Variants in SSC4D observed in about 807,000 individuals in gnomAD.
SSC4D encodes scavenger receptor cysteine rich family member with 4 domains.
Under a neutral mutation model 63.4 loss-of-function variants are expected in SSC4D, and 57 were observed. The observed-to-expected ratio is 0.90, with a 90% CI of 0.73 to 1.12. The LOEUF is 1.12. Among genes scored for constraint, SSC4D ranks in the 50% most tolerant of loss-of-function variants. The pLI is 0.00. For missense variants in SSC4D, 791 were observed against 806.4 expected, an observed-to-expected ratio of 0.98 and a Z score of 0.23; for synonymous variants, 352 against 345.4, an observed-to-expected ratio of 1.02 and a Z score of -0.21.
chr7:76,391,830 C>T, intron 10 of SSC4D, 134 bp downstream of exon 10: 1 of 919,816 alleles, frequency 1.1e-6, no homozygotes, highest in South Asian at 1.4e-5. Flanking sequence ...GGCCTGAGAC[C>T]AACAAAAAGG....
chr7:76,404,818 C>T (rs967518609), intron 1 of SSC4D, among the ~76,000 whole-genome samples: 8 of 151,864 alleles, frequency 5.3e-5, no homozygotes, highest in Non-Finnish European at 7.4e-5. Context: ...GCCTGTAATC[C>T]CAGCACTTTG....
At chr7:76,403,253 CGA>C (rs1212111251) in intron 2 of SSC4D, among the ~76,000 whole-genome samples, 2 of 152,052 alleles carry the variant, frequency 1.3e-5, no homozygotes, top group Non-Finnish European at 2.9e-5. Context: ...ACTTGTGGTC[CGA>C]GTATGACAGT....
intron 1 of SSC4D, among the ~76,000 whole-genome samples, chr7:76,407,447 C>T (rs1475302671): frequency 6.6e-6 from 1 of 151,942 alleles, no homozygotes; most frequent in Non-Finnish European, 1.5e-5. Context: ...TTCTCCTGCC[C>T]CAGCCTCCTG....
In SSC4D at chr7:76,398,874, G is replaced by A. The variant is rs538409260; in HGVS notation, c.476-77C>T. On this transcript the variant is annotated intron_variant, in intron 4 of 10. Transcript: ENST00000275560. Reference sequence around the variant, plus strand: ...ACCACGGGGTGTTTAAGGGGCAGGAGGATGGACCCATAAGGTGCTTGCCGC... The same window carrying A: ...ACCACGGGGTGTTTAAGGGGCAGGAAGATGGACCCATAAGGTGCTTGCCGC... The A allele has an allele frequency of 4.1e-4, 616 of 1,487,486 alleles. 7 individuals are homozygous for A. The South Asian group carries it at 5.7e-3, about 14-fold the overall frequency. The allele number at this position is 1,487,486 out of a possible 1,614,324, so 92.1% of individuals were successfully genotyped here. A position where few individuals can be genotyped will look rare whatever the true frequency, so the allele number is the denominator to read the frequency against.
Position 76,390,078 on chromosome 7 carries a change from A to G in SSC4D, c.1709T>C (p.Val570Ala), listed in dbSNP as rs1305382120. Residue 570 changes from valine (V) to alanine (A), a missense_variant, in exon 11 of 11, where the codon GTC becomes GCC. Physicochemically the swap from Val to Ala is moderately conservative, Grantham distance 64. Transcript: ENST00000275560. ...GCTGGGTCATGAAGGCTGGCACAGG[A>G]CACTGGCATCCTCGCTGTGGTCACA... ...HNCDHSEDASVLCQPS is the reference protein window; with the variant it reads ...HNCDHSEDASALCQPS 1.9e-6 allele frequency: 3 copies of G among 1,614,254 alleles called. No homozygotes were observed. The highest frequency in any genetic ancestry group is 2.2e-5 in the East Asian group (1 of 44,882).
intron 3 of SSC4D, 26 bp downstream of exon 3, chr7:76,400,982 G>A: frequency 6.4e-7 from 1 of 1,551,134 alleles, no homozygotes; most frequent in Non-Finnish European, 8.7e-7. Flanking sequence ...AGGTGAGGGT[G>A]AGGAAGGGCG....
intron 2 of SSC4D, 136 bp from the exon 3 acceptor site, chr7:76,401,179 A>G: frequency 8.0e-7 from 1 of 1,252,198 alleles, no homozygotes. Context: ...TGCTTTGCCA[A>G]AGCCCCATTG....
intron 1 of SSC4D, among the ~76,000 whole-genome samples, chr7:76,408,927 TGTATGACCTTCACCTTG>T (rs1371437673): frequency 6.6e-6 from 1 of 152,196 alleles, no homozygotes; most frequent in Non-Finnish European, 1.5e-5. Context: ...ATCTCCTAGC[TGTATGACCTTCACCTTG>T]CAAAGCCTCA....
chr7:76,392,118 G>A, intron 9 of SSC4D, 77 bp from the exon 10 acceptor site: 1 of 1,430,608 alleles, frequency 7.0e-7, no homozygotes, highest in Middle Eastern at 2.0e-4. Flanking sequence ...GTCCCCTCCT[G>A]CTCTCCCCAG....
chr7:76,394,748 A>AATATATATAT (rs35943058), intron 7 of SSC4D, among the ~76,000 whole-genome samples: 25 of 131,298 alleles, frequency 1.9e-4, no homozygotes, highest in African/African-American at 6.2e-4. Flanking sequence ...ATGTATGTAT[A>AATATATATAT]ATATATATAT....
rs1251148547 is a variant in SSC4D, at chr7:76,404,466, C to G, written c.-27G>C. On this transcript the variant is annotated 5_prime_UTR_variant, in exon 2 of 11. Transcript: ENST00000275560. ...TAGATGGTGAAGGGTGTTTCAGATG[C>G]TCCCATCAAGGCGCCAGGGAGAAGT... is the stretch of plus-strand genomic sequence containing the variant. 1 of 1,613,830 alleles carries G rather than the reference C, an allele frequency of 6.2e-7. No homozygotes were observed. The highest frequency in any genetic ancestry group is 1.3e-5 in the African/African-American group (1 of 75,018).
intron 1 of SSC4D, among the ~76,000 whole-genome samples, chr7:76,405,348 T>TCTTTC (rs1471163670): frequency 1.3e-4 from 15 of 112,436 alleles, no homozygotes; most frequent in African/African-American, 3.8e-4. Context: ...TCTTTTTTTT[T>TCTTTC]TTTTTTTTTT....
At chr7:76,399,622 C>A (rs568250689) in intron 4 of SSC4D, among the ~76,000 whole-genome samples, 5 of 151,262 alleles carry the variant, frequency 3.3e-5, no homozygotes, top group Non-Finnish European at 5.9e-5. Flanking sequence ...GCAGCCTTGA[C>A]CCCCCCAGAC....
chr7:76,399,304 T>A (rs1804739195), intron 4 of SSC4D, among the ~76,000 whole-genome samples: 1 of 152,100 alleles, frequency 6.6e-6, no homozygotes, highest in Non-Finnish European at 1.5e-5. Context: ...TGAGCCACCG[T>A]GCCCAGCCTG....
At chr7:76,396,967 T>C (rs1340935675) in intron 6 of SSC4D, among the ~76,000 whole-genome samples, 1 of 152,184 alleles carries the variant, frequency 6.6e-6, no homozygotes, top group Non-Finnish European at 1.5e-5. Flanking sequence ...CTCCGAGTGT[T>C]ATCCTAGAGT....
At chr7:76,397,906 G>C in intron 5 of SSC4D, 74 bp from the exon 6 acceptor site, 1 of 1,404,380 alleles carries the variant, frequency 7.1e-7, no homozygotes, top group South Asian at 1.5e-5. Context: ...AGGGCAGCCC[G>C]GTGTCCCAGG....
intron 10 of SSC4D, among the ~76,000 whole-genome samples, chr7:76,391,524 C>T (rs867265931): frequency 5.9e-5 from 9 of 152,146 alleles, no homozygotes; most frequent in Non-Finnish European, 8.8e-5. Flanking sequence ...GAGTGATCCG[C>T]GACGTGTACT....
At chr7:76,395,398 CAG>C (rs1412590515) in intron 6 of SSC4D, 68 bp from the exon 7 acceptor site, 6 of 1,519,042 alleles carry the variant, frequency 3.9e-6, no homozygotes, top group Non-Finnish European at 4.6e-6. Flanking sequence ...CATGGGCTGT[CAG>C]GGGAGGATAG....
intron 1 of SSC4D, among the ~76,000 whole-genome samples, chr7:76,406,354 G>A (rs1805031889): frequency 6.6e-6 from 1 of 152,080 alleles, no homozygotes; most frequent in East Asian, 1.9e-4. Context: ...CTCATGTATT[G>A]TTTTATTTTC....
Sources: gnomAD v4.1 joint callset for allele counts (sites outside exome capture counted in the v4.1 genomes callset) on GRCh38, gnomAD v4.1.1 for gene constraint, MANE v1.5 for transcripts, NCBI Gene and HGNC (gene_info 2026-07-23, HGNC 2026-07-21) for gene names.